Variants in AK9 observed in about 807,000 individuals in gnomAD.
The protein encoded by AK9 is adenylate kinase domain containing 1.
A neutral mutation model predicts 239.6 loss-of-function variants in AK9; 191 were observed. The observed-to-expected ratio is 0.80, with a 90% CI of 0.71 to 0.90. The LOEUF is 0.90. Among genes scored for constraint, AK9 ranks in the 40% least tolerant of loss-of-function variants. AK9 has a pLI of 0.00. For missense variants in AK9, 1,995 were observed against 2,214.7 expected (o/e 0.90, Z 1.99); for synonymous variants, 689 against 721.0 (o/e 0.96, Z 0.71).
At chr6:109,662,885 AGAC>A (rs1434208309) in intron 5 of AK9, among the ~76,000 whole-genome samples, 1 of 152,046 alleles carries the variant, frequency 6.6e-6, no homozygotes, top group African/African-American at 2.4e-5. Context: ...GACTAGAAGA[AGAC>A]ATTTTTGAAA....
chr6:109,586,345 G>GT (rs1297467802), intron 17 of AK9, among the ~76,000 whole-genome samples: 1 of 152,190 alleles, frequency 6.6e-6, no homozygotes, highest in African/African-American at 2.4e-5. Flanking sequence ...GAGCCCAGGT[G>GT]TTTGAGGTTG....
At chr6:109,679,498 C>G (rs191636543) in intron 1 of AK9, among the ~76,000 whole-genome samples, 1 of 152,212 alleles carries the variant, frequency 6.6e-6, no homozygotes, top group Admixed American at 6.5e-5. Context: ...GGACAGAGCA[C>G]CTGGGGGAAG....
At chr6:109,649,687 C>T (rs1798623983) in intron 8 of AK9, among the ~76,000 whole-genome samples, 1 of 152,160 alleles carries the variant, frequency 6.6e-6, no homozygotes, top group Non-Finnish European at 1.5e-5. Flanking sequence ...TCAATGCCAT[C>T]CCCATCAAGC....
chr6:109,616,771 C>T (rs764122849), intron 13 of AK9, among the ~76,000 whole-genome samples: 9 of 152,052 alleles, frequency 5.9e-5, no homozygotes, highest in Non-Finnish European at 1.3e-4. Context: ...TGGTCAGTAT[C>T]ACAACCACTA....
At chr6:109,635,367 C>A (rs141841593) in intron 10 of AK9, among the ~76,000 whole-genome samples, 2 of 152,226 alleles carry the variant, frequency 1.3e-5, no homozygotes, top group East Asian at 1.9e-4. Context: ...AGACATGGGA[C>A]CTTGTGATAC....
intron 9 of AK9, among the ~76,000 whole-genome samples, chr6:109,643,160 T>C (rs979622791): frequency 4.6e-5 from 7 of 152,160 alleles, no homozygotes; most frequent in Non-Finnish European, 1.0e-4. Flanking sequence ...TTGTGTCAAA[T>C]GCTGCTTCTA....
intron 8 of AK9, among the ~76,000 whole-genome samples, chr6:109,650,394 A>T (rs1226094648): frequency 6.6e-6 from 1 of 152,190 alleles, no homozygotes; most frequent in Non-Finnish European, 1.5e-5. Context: ...TACAAGAAAA[A>T]AAAACCCCAT....
chr6:109,579,337 C>A, intron 20 of AK9: 1 of 469,268 alleles, frequency 2.1e-6, no homozygotes, highest in South Asian at 3.9e-5. Flanking sequence ...CCTATGAATC[C>A]ATTACTTCAG....
At chr6:109,514,040 C>T (rs902864903) in intron 32 of AK9, among the ~76,000 whole-genome samples, 184 bp downstream of exon 32, 1 of 152,156 alleles carries the variant, frequency 6.6e-6, no homozygotes, top group Admixed American at 6.5e-5. Flanking sequence ...TCTTAAAAAC[C>T]CTAGCCCCAG....
intron 1 of AK9, among the ~76,000 whole-genome samples, chr6:109,687,785 G>T (rs1252192094): frequency 6.6e-6 from 1 of 152,168 alleles, no homozygotes; most frequent in Non-Finnish European, 1.5e-5. Flanking sequence ...GAAACCGTGC[G>T]ATCACAAATG....
chr6:109,668,712 C>A (rs201386701), intron 5 of AK9, among the ~76,000 whole-genome samples: 1 of 86,372 alleles, frequency 1.2e-5, no homozygotes. Flanking sequence ...AGTTGTAGAT[C>A]TGCGGCATTA....
chr6:109,504,798 G>C (rs1361992601), intron 35 of AK9, among the ~76,000 whole-genome samples: 1 of 152,200 alleles, frequency 6.6e-6, no homozygotes, highest in Non-Finnish European at 1.5e-5. Flanking sequence ...GACAGAGTGA[G>C]ACTCCTTCAA....
At chr6:109,519,434 A>C (rs548149513) in intron 29 of AK9, among the ~76,000 whole-genome samples, 21 of 152,166 alleles carry the variant, frequency 1.4e-4, no homozygotes, top group Non-Finnish European at 2.5e-4. Context: ...ATTCCCCTCA[A>C]GAGTGTATAA....
At chr6:109,515,117 G>A (rs1004393078) in intron 31 of AK9, among the ~76,000 whole-genome samples, 1 of 152,288 alleles carries the variant, frequency 6.6e-6, no homozygotes, top group Admixed American at 6.5e-5. Flanking sequence ...CTTTAGAACT[G>A]TGAGAAAATA....
intron 25 of AK9, among the ~76,000 whole-genome samples, chr6:109,548,364 G>A (rs751883988): frequency 1.3e-5 from 2 of 152,106 alleles, no homozygotes; most frequent in African/African-American, 2.4e-5. Context: ...CATGAGTTCT[G>A]CTAAAATTGA....
At chr6:109,564,032 A>C (rs1314117106) in intron 23 of AK9, 48 bp downstream of exon 23, 1 of 1,471,488 alleles carries the variant, frequency 6.8e-7, no homozygotes, top group Non-Finnish European at 9.2e-7. Context: ...AATGCTTCTA[A>C]TACTATCACC....
At chr6:109,514,138 T>C in intron 32 of AK9, 86 bp downstream of exon 32, 1 of 1,241,474 alleles carries the variant, frequency 8.1e-7, no homozygotes, top group Non-Finnish European at 1.1e-6. Flanking sequence ...TGCAACCCAG[T>C]GTCTTGGTGA....
At chr6:109,526,705 T>C (rs1780561849) in intron 29 of AK9, among the ~76,000 whole-genome samples, 1 of 152,204 alleles carries the variant, frequency 6.6e-6, no homozygotes, top group East Asian at 1.9e-4. Context: ...ATTTCTTTAT[T>C]ATGCTGTGGT....
intron 17 of AK9, among the ~76,000 whole-genome samples, chr6:109,604,812 A>T (rs1792620479): frequency 6.6e-6 from 1 of 152,206 alleles, no homozygotes; most frequent in Non-Finnish European, 1.5e-5. Flanking sequence ...TTATCTTTAC[A>T]TTTAAGAATT....
Sources: allele counts gnomAD v4.1 joint callset (sites outside exome capture counted in the v4.1 genomes callset), GRCh38; gene constraint gnomAD v4.1.1; transcripts MANE v1.5; gene names NCBI Gene and HGNC (gene_info 2026-07-23, HGNC 2026-07-21).